Variants in TMEM178B observed in about 807,000 individuals in gnomAD.
TMEM178B encodes transmembrane protein 178B.
In TMEM178B, 5 loss-of-function variants were observed where a neutral mutation model predicts 31.0. That is an observed-to-expected ratio of 0.16 (90% confidence interval 0.08 to 0.34). The LOEUF (loss-of-function observed/expected upper bound fraction) is 0.34, where lower values mean the gene tolerates loss of function less well. Among genes scored for constraint, TMEM178B ranks in the 10% least tolerant of loss-of-function variants. The probability of loss-of-function intolerance (pLI) is 1.00; values close to 1 mark genes in which losing one functional copy is unlikely to be tolerated. For synonymous variants in TMEM178B, 164 were observed against 164.0 expected (o/e 1.00, Z 0.00); for missense variants, 275 against 400.3 (o/e 0.69, Z 2.67).
intron 2 of TMEM178B, among the ~76,000 whole-genome samples, chr7:141,249,660 A>G (rs200440822): frequency 2.0e-4 from 1 of 4,892 alleles, no homozygotes; most frequent in Non-Finnish European, 8.1e-4. Flanking sequence ...AAAGGGGCTC[A>G]TGTGCCTGGC....
intron 2 of TMEM178B, among the ~76,000 whole-genome samples, chr7:141,215,337 A>ATTATTATTATTTTTT (rs55726735): frequency 7.1e-6 from 1 of 141,488 alleles, no homozygotes; most frequent in African/African-American, 2.5e-5. Context: ...TATTATTATT[A>ATTATTATTATTTTTT]TTTTTTGAGA....
intron 2 of TMEM178B, among the ~76,000 whole-genome samples, chr7:141,237,374 A>G (rs1379013006): frequency 1.3e-5 from 2 of 152,238 alleles, no homozygotes; most frequent in African/African-American, 2.4e-5. Context: ...TAAACAAATT[A>G]TGGTTCAGTT....
At chr7:141,138,282 C>T (rs1187537614) in intron 1 of TMEM178B, among the ~76,000 whole-genome samples, 5 of 151,998 alleles carry the variant, frequency 3.3e-5, no homozygotes, top group Non-Finnish European at 5.9e-5. Context: ...AGGATGGTCT[C>T]GATCTCCTGA....
At position 141,229,063 on chromosome 7, in the gene TMEM178B, G is replaced by A. The variant is rs1797393131; in HGVS notation, c.496+16359G>A. Among the ~76,000 whole-genome samples the A allele has an allele frequency of 2.6e-5, 3 of 115,826 alleles. No homozygotes were observed. In the South Asian group the frequency reaches 8.3e-4, roughly 32 times the overall value. 76.0% of individuals were successfully genotyped at this position (115,826 alleles called of 152,430 possible). On this transcript the variant is annotated intron_variant, in intron 2 of 3. Transcript: ENST00000565468. ...TTGTGGGGGTGGAATTTGATTACAT[G>A]ACTAGGGATTTTTTTTGCAAAATGA...
the TMEM178B span, among the ~76,000 whole-genome samples, chr7:141,495,889 C>G: frequency 6.6e-6 from 1 of 152,176 alleles, no homozygotes; most frequent in African/African-American, 2.4e-5. Flanking sequence ...AGTTGAGAGT[C>G]GCCCTGGACT....
chr7:141,233,414 G>C lies in TMEM178B; in HGVS notation c.496+20710G>C, dbSNP rs144066887. ...TATTGCTCTCAGCTGCGTGAGCACT[G>C]TTCTGAGAATAAATTTTCTCCATTT... is the stretch of plus-strand genomic sequence containing the variant. On this transcript the variant is annotated intron_variant, in intron 2 of 3. Coordinates refer to ENST00000565468, the MANE Select transcript of TMEM178B (RefSeq NM_001195278.2). Among the ~76,000 whole-genome samples, 14 of 152,324 alleles carry C rather than the reference G, an allele frequency of 9.2e-5. No homozygotes were observed. The East Asian group carries it at 2.7e-3, about 29-fold the overall frequency.
chr7:141,191,218 T>C (rs1796690656), intron 1 of TMEM178B, among the ~76,000 whole-genome samples: 1 of 152,234 alleles, frequency 6.6e-6, no homozygotes, highest in South Asian at 2.1e-4. Context: ...TTTAAGTGGC[T>C]GTATTGCCTT....
At chr7:141,261,176 T>G (rs1006506277) in intron 2 of TMEM178B, among the ~76,000 whole-genome samples, 2 of 152,178 alleles carry the variant, frequency 1.3e-5, no homozygotes, top group African/African-American at 4.8e-5. Flanking sequence ...GCATAACCAT[T>G]TTGTTTGGGG....
At chr7:141,395,938 C>T (rs910444848) in intron 2 of TMEM178B, among the ~76,000 whole-genome samples, 19 of 152,200 alleles carry the variant, frequency 1.2e-4, no homozygotes, top group South Asian at 2.1e-4. Flanking sequence ...AGGGAGGGGG[C>T]GGCACTAATT....
chr7:141,205,057 C>T (rs771362445), intron 1 of TMEM178B, among the ~76,000 whole-genome samples: 50 of 152,168 alleles, frequency 3.3e-4, no homozygotes, highest in Non-Finnish European at 5.3e-4. Context: ...AACTCCTGGC[C>T]TCAAGCGATC....
chr7:141,180,463 C>CAA lies in TMEM178B; in HGVS notation c.383-32109_383-32108dup, dbSNP rs57969132. ...AGAGAGACAGAGAGAGAGCCCATCT[C>CAA]AAAAAAAAAAAAAAAAAAAAGAAAG... is the stretch of plus-strand genomic sequence containing the variant. On this transcript the variant is annotated intron_variant, in intron 1 of 3. Coordinates refer to ENST00000565468, the MANE Select transcript of TMEM178B (RefSeq NM_001195278.2). Among the ~76,000 whole-genome samples the CAA allele has an allele frequency of 2.4e-3, 200 of 83,224 alleles. 2 individuals carry two copies. The highest frequency in any genetic ancestry group is 4.1e-3 in the Non-Finnish European group (174 of 42,590). The allele number at this position is 83,224 out of a possible 152,430, so 54.6% of individuals were successfully genotyped here.
chr7:141,141,389 T>C (rs1289209406), intron 1 of TMEM178B, among the ~76,000 whole-genome samples: 1 of 152,222 alleles, frequency 6.6e-6, no homozygotes, highest in Non-Finnish European at 1.5e-5. Context: ...CAAGGAGCCC[T>C]GGCTCCTTTT....
chr7:141,241,317 C>T (rs1182891824), intron 2 of TMEM178B, among the ~76,000 whole-genome samples: 3 of 151,936 alleles, frequency 2.0e-5, no homozygotes, highest in Non-Finnish European at 4.4e-5. Flanking sequence ...TCTGGCCTGG[C>T]GCGGTGGCTC....
intron 2 of TMEM178B, among the ~76,000 whole-genome samples, chr7:141,354,933 T>C (rs1282214546): frequency 6.6e-6 from 1 of 152,258 alleles, no homozygotes; most frequent in Non-Finnish European, 1.5e-5. Flanking sequence ...GTTTCAGAGA[T>C]TCTAGCTGCT....
At chr7:141,254,048 T>A (rs1460021892) in intron 2 of TMEM178B, among the ~76,000 whole-genome samples, 2 of 152,244 alleles carry the variant, frequency 1.3e-5, no homozygotes, top group African/African-American at 4.8e-5. Context: ...GGAATTTTGC[T>A]TTTTGAAAAG....
At chr7:141,149,210 A>G (rs1291574301) in intron 1 of TMEM178B, among the ~76,000 whole-genome samples, 2 of 152,204 alleles carry the variant, frequency 1.3e-5, no homozygotes, top group Non-Finnish European at 2.9e-5. Flanking sequence ...TCCTCCAAAA[A>G]TATATGTTGA....
At chr7:141,169,899 G>A (rs1439087772) in intron 1 of TMEM178B, among the ~76,000 whole-genome samples, 2 of 152,174 alleles carry the variant, frequency 1.3e-5, no homozygotes, top group African/African-American at 4.8e-5. Flanking sequence ...GTTTTCAATA[G>A]TGTATGTTCC....
intron 2 of TMEM178B, among the ~76,000 whole-genome samples, chr7:141,336,572 C>T (rs1799391895): frequency 6.6e-6 from 1 of 151,946 alleles, no homozygotes; most frequent in South Asian, 2.1e-4. Flanking sequence ...TTGTAAAGTT[C>T]CTAACACAAG....
Position 141,461,779 on chromosome 7 carries a change from A to G in TMEM178B, c.635-8757A>G, listed in dbSNP as rs114327422. On this transcript the variant is annotated intron_variant, in intron 3 of 3. Transcript: ENST00000565468. This position sits in a 1 kb window ranked among gnomAD's most constrained non-coding sequence, Gnocchi z 4.0. Reference sequence around the variant, plus strand: ...GCCTTGTCCACCTTATACACCTGCAATTAGCACTCAGAGTGAGCTGAGCAG... The same window carrying G: ...GCCTTGTCCACCTTATACACCTGCAGTTAGCACTCAGAGTGAGCTGAGCAG... Among the ~76,000 whole-genome samples, 1,705 of 152,330 alleles carry G rather than the reference A, an allele frequency of 0.011. 33 individuals are homozygous for G. Among genetic ancestry groups the G allele is most frequent in the African/African-American group, 0.039 (1,616 of 41,564 alleles).
Sources: gnomAD v4.1 joint callset for allele counts (sites outside exome capture counted in the v4.1 genomes callset) on GRCh38, gnomAD v4.1.1 for gene constraint, Gnocchi (gnomAD v3.1) non-coding constraint, MANE v1.5 for transcripts, NCBI Gene and HGNC (gene_info 2026-07-23, HGNC 2026-07-21) for gene names.